PRUNE2: variants seen among roughly 807,000 people sequenced by gnomAD.
PRUNE2 encodes prune homolog 2 with BCH domain, also known as protein prune homolog 2.
Under a neutral mutation model 252.0 loss-of-function variants are expected in PRUNE2, and 164 were observed. The ratio of observed to expected loss-of-function variants is 0.65; its 90% CI spans 0.57 to 0.74. PRUNE2 has a LOEUF of 0.74. Ranked by LOEUF, PRUNE2 falls within the 30% of genes least tolerant of loss-of-function variation. The pLI is 0.00. For missense variants in PRUNE2, 3,495 were observed against 3,711.0 expected (o/e 0.94, Z 1.51); for synonymous variants, 1,292 against 1,350.2 (o/e 0.96, Z 0.94).
intron 15 of PRUNE2, among the ~76,000 whole-genome samples, chr9:76,635,103 G>A (rs1051205995): frequency 4.6e-5 from 7 of 152,044 alleles, no homozygotes; most frequent in Non-Finnish European, 8.8e-5. Flanking sequence ...CCTAGTAGCT[G>A]GGACTATAGG....
At chr9:76,830,024 T>G (rs185747853) in intron 4 of PRUNE2, among the ~76,000 whole-genome samples, 3 of 152,216 alleles carry the variant, frequency 2.0e-5, no homozygotes, top group Non-Finnish European at 4.4e-5. Context: ...AATTAGAATC[T>G]GTAAGTAAAA....
chr9:76,619,462 G>A (rs1831174958), intron 17 of PRUNE2, 75 bp from the exon 18 acceptor site: 1 of 1,044,778 alleles, frequency 9.6e-7, no homozygotes, highest in Non-Finnish European at 1.5e-6. Context: ...ACAGATTTGA[G>A]GCATTTGAAA....
rs1370508423 is a variant in PRUNE2, at chr9:76,665,744, A to G, written c.8277-10242T>C. On this transcript the variant is annotated intron_variant, in intron 9 of 18. Transcript: ENST00000376718. The stretch of plus-strand genomic sequence containing the variant: ...ATAGTGAAACTTGACCATAAAAATT[A>G]TCTTCCAGGCCAGGCGTGGTGGCTC... Among the ~76,000 whole-genome samples, 3 of 152,084 alleles carry G rather than the reference A, an allele frequency of 2.0e-5. No individual in the cohort carries two copies. In the East Asian group the frequency reaches 5.8e-4, roughly 29 times the overall value.
chr9:76,789,494 A>G (rs543089199), intron 6 of PRUNE2, among the ~76,000 whole-genome samples: 22 of 152,186 alleles, frequency 1.4e-4, no homozygotes, highest in Non-Finnish European at 2.2e-4. Context: ...GGGGGCTCCA[A>G]TGTGGAGGCC....
chr9:76,779,392 G>A (rs1360661202), intron 6 of PRUNE2, among the ~76,000 whole-genome samples: 1 of 152,100 alleles, frequency 6.6e-6, no homozygotes, highest in African/African-American at 2.4e-5. Context: ...AGCCAACGTC[G>A]AATTTTGAAA....
intron 18 of PRUNE2, among the ~76,000 whole-genome samples, chr9:76,616,582 G>A (rs190942080): frequency 3.9e-5 from 6 of 152,200 alleles, no homozygotes; most frequent in East Asian, 1.9e-4. Context: ...ATTATTTTTC[G>A]TACTGACTTT....
chr9:76,752,441 G>A (rs1453434222), intron 6 of PRUNE2, among the ~76,000 whole-genome samples: 1 of 152,252 alleles, frequency 6.6e-6, no homozygotes, highest in East Asian at 1.9e-4. Flanking sequence ...CTTGCAGGCA[G>A]TTACAAAGCC....
At chr9:76,869,040 G>A (rs2061026288) in intron 1 of PRUNE2, 1 of 152,148 alleles carries the variant, frequency 6.6e-6, no homozygotes, top group Non-Finnish European at 1.5e-5. Flanking sequence ...AATTAGTCAG[G>A]TCTTCTCCCC....
intron 6 of PRUNE2, among the ~76,000 whole-genome samples, chr9:76,751,121 C>G (rs2050573156): frequency 1.3e-5 from 2 of 152,174 alleles, no homozygotes; most frequent in African/African-American, 4.8e-5. Flanking sequence ...AGAAGTTGAA[C>G]TTCCTTTTTG....
intron 16 of PRUNE2, among the ~76,000 whole-genome samples, chr9:76,628,331 A>ATACTGCGTTACCCTC (rs1166190696): frequency 6.6e-6 from 1 of 152,180 alleles, no homozygotes; most frequent in Non-Finnish European, 1.5e-5. Flanking sequence ...GCTGACGCTG[A>ATACTGCGTTACCCTC]TACTGCGTTA....
intron 6 of PRUNE2, among the ~76,000 whole-genome samples, chr9:76,766,974 C>T (rs1020725444): frequency 1.3e-5 from 2 of 152,158 alleles, no homozygotes; most frequent in African/African-American, 2.4e-5. Context: ...TCTCCCACCT[C>T]GCCACACCTT....
intron 6 of PRUNE2, chr9:76,759,713 C>T (rs1274266181): frequency 6.6e-6 from 1 of 152,322 alleles, no homozygotes; most frequent in East Asian, 1.9e-4. Context: ...CTGATTCTTC[C>T]TGGATGCTGG....
At chr9:76,614,678 G>A in intron 18 of PRUNE2, 78 bp from the exon 19 acceptor site, 3 of 1,126,982 alleles carry the variant, frequency 2.7e-6, no homozygotes, top group Non-Finnish European at 1.3e-6. Flanking sequence ...GTAGCACTGT[G>A]TTTGCTTTTT....
Position 76,703,677 on chromosome 9 carries a change from G to A in PRUNE2, c.7936C>T (p.Leu2646=), listed in dbSNP as rs1413379311. The change falls in exon 9 of 19, where the codon CTG becomes TTG. Residue 2646 remains leucine (L), a synonymous_variant. Coordinates refer to ENST00000376718, the MANE Select transcript of PRUNE2 (RefSeq NM_015225.3). ...LGHSEVGDPS[L]DARDSGPGWS... is the part of the protein sequence containing the mutation. ...CCAGGCCCTGAGTCCCTGGCATCCA[G>A]TGATGGATCACCAACCTCACTATGG... The A allele has an allele frequency of 6.2e-7, 1 of 1,613,010 alleles. No individual in the cohort carries two copies. Among genetic ancestry groups the A allele is most frequent in the East Asian group, 2.2e-5 (1 of 44,878 alleles).
chr9:76,712,789 G>A (rs1408410715), intron 7 of PRUNE2, among the ~76,000 whole-genome samples: 2 of 152,080 alleles, frequency 1.3e-5, no homozygotes, highest in African/African-American at 2.4e-5. Flanking sequence ...TTTCACATTC[G>A]GACTTGAGAG....
At chr9:76,644,944 A>G (rs368729904) in intron 11 of PRUNE2, 35 bp from the exon 12 acceptor site, 61 of 1,594,744 alleles carry the variant, frequency 3.8e-5, no homozygotes, top group Admixed American at 5.2e-5. Flanking sequence ...AGGCTGAAGG[A>G]GCAAGACCTC....
At chr9:76,875,514 T>C (rs1161196816) in intron 1 of PRUNE2, among the ~76,000 whole-genome samples, 1 of 152,072 alleles carries the variant, frequency 6.6e-6, no homozygotes, top group South Asian at 2.1e-4. Flanking sequence ...TACAGACACG[T>C]GCCACCATGC....
intron 6 of PRUNE2, among the ~76,000 whole-genome samples, chr9:76,803,798 C>T (rs993620796): frequency 1.2e-4 from 18 of 152,182 alleles, no homozygotes; most frequent in African/African-American, 4.1e-4. Context: ...CTTAGCACTT[C>T]GCTGTTACTT....
intron 6 of PRUNE2, among the ~76,000 whole-genome samples, chr9:76,724,057 A>G (rs950241891): frequency 2.0e-5 from 3 of 151,022 alleles, no homozygotes; most frequent in African/African-American, 4.9e-5. Context: ...AGCCTCCCAA[A>G]GTGCTGGGAT....
Sources: allele counts gnomAD v4.1 joint callset (sites outside exome capture counted in the v4.1 genomes callset), GRCh38; gene constraint gnomAD v4.1.1; transcripts MANE v1.5; gene names NCBI Gene and HGNC (gene_info 2026-07-23, HGNC 2026-07-21).